MCC: variants seen among roughly 807,000 people sequenced by gnomAD.
MCC encodes MCC regulator of Wnt signaling pathway.
In MCC, 90 loss-of-function variants were observed where a neutral mutation model predicts 116.2. The observed-to-expected ratio is 0.77, with a 90% CI of 0.65 to 0.92. The LOEUF (loss-of-function observed/expected upper bound fraction) is 0.92, where lower values mean the gene tolerates loss of function less well. Ranked by LOEUF, MCC falls within the 40% of genes least tolerant of loss-of-function variation. MCC has a pLI of 0.00. For missense variants in MCC, 1,516 were observed against 1,312.2 expected, an observed-to-expected ratio of 1.16 and a Z score of -2.40; for synonymous variants, 578 against 510.5, an observed-to-expected ratio of 1.13 and a Z score of -1.78.
chr5:113,101,997 G>C lies in MCC; in HGVS notation c.1192-52C>G, dbSNP rs759727216. ...TCAAGTAAGTTACCTTGGAGAAAGG[G>C]GATAGGAAGAAAATAGGCTGAACAG... On this transcript the variant is annotated intron_variant, in intron 7 of 18. Coordinates refer to ENST00000408903, the MANE Select transcript of MCC (RefSeq NM_001085377.2). 1.8e-5 allele frequency: 29 copies of C among 1,569,596 alleles called. No individual in the cohort carries two copies. The South Asian group carries it at 2.9e-4, about 16-fold the overall frequency.
At chr5:113,290,752 T>C (rs1483778068) in intron 3 of MCC, among the ~76,000 whole-genome samples, 2 of 152,228 alleles carry the variant, frequency 1.3e-5, no homozygotes, top group Non-Finnish European at 2.9e-5. Context: ...TTAATGCTGC[T>C]TAAAGTGTGG....
intron 3 of MCC, among the ~76,000 whole-genome samples, chr5:113,210,243 G>T (rs1763076551): frequency 6.6e-6 from 1 of 151,892 alleles, no homozygotes; most frequent in East Asian, 1.9e-4. Context: ...GGAATTACAG[G>T]GCCTCTAAAT....
Position 113,088,895 on chromosome 5 carries a change from C to G in MCC, c.1399-3585G>C, listed in dbSNP as rs564210239. Among the ~76,000 whole-genome samples, 14 of 152,236 alleles carry G rather than the reference C, an allele frequency of 9.2e-5. No homozygotes were observed. In the East Asian group the frequency reaches 2.5e-3, roughly 27 times the overall value. The stretch of plus-strand genomic sequence containing the variant: ...ATCTCATGGGCTCAAGAGATTTTCC[C>G]GTTTTAGCCTCCCAAGTGGCTGGGA... On this transcript the variant is annotated intron_variant, in intron 8 of 18. Coordinates refer to ENST00000408903, the MANE Select transcript of MCC (RefSeq NM_001085377.2).
chr5:113,221,313 GA>G (rs1476168533), intron 3 of MCC, among the ~76,000 whole-genome samples: 1 of 152,206 alleles, frequency 6.6e-6, no homozygotes, highest in Non-Finnish European at 1.5e-5. Context: ...AAGGAGACCT[GA>G]ACTAACCAAC....
At chr5:113,311,892 G>A (rs995108110) in intron 3 of MCC, among the ~76,000 whole-genome samples, 1 of 152,118 alleles carries the variant, frequency 6.6e-6, no homozygotes, top group Non-Finnish European at 1.5e-5. Flanking sequence ...CAGATCACAA[G>A]GTCAGGAGTT....
chr5:113,305,754 T>C (rs569550637), intron 3 of MCC, among the ~76,000 whole-genome samples: 1 of 152,390 alleles, frequency 6.6e-6, no homozygotes, highest in African/African-American at 2.4e-5. Context: ...TTATATTTTA[T>C]GTTTTATTAA....
chr5:113,239,603 C>T (rs1203914190), intron 3 of MCC, among the ~76,000 whole-genome samples: 9 of 152,082 alleles, frequency 5.9e-5, no homozygotes, highest in Non-Finnish European at 1.0e-4. Context: ...GAAGGAACTC[C>T]GTAGTAATGT....
intron 3 of MCC, among the ~76,000 whole-genome samples, chr5:113,205,289 G>A (rs1325380959): frequency 1.3e-5 from 2 of 152,210 alleles, no homozygotes; most frequent in Non-Finnish European, 2.9e-5. Context: ...AAGGCCTAGA[G>A]GCAAGGAGCT....
chr5:113,419,148 G>C (rs570240040), intron 1 of MCC, among the ~76,000 whole-genome samples: 1 of 151,778 alleles, frequency 6.6e-6, no homozygotes, highest in East Asian at 1.9e-4. Flanking sequence ...GAAGGTGATA[G>C]GAATATTCTT....
intron 6 of MCC, among the ~76,000 whole-genome samples, chr5:113,110,038 C>T (rs1485587493): frequency 2.6e-5 from 4 of 151,962 alleles, no homozygotes; most frequent in East Asian, 1.9e-4. Context: ...AGGCTAGGAA[C>T]GAACTCCTGG....
intron 3 of MCC, among the ~76,000 whole-genome samples, chr5:113,168,266 T>C (rs1760880655): frequency 6.6e-6 from 1 of 152,208 alleles, no homozygotes; most frequent in Admixed American, 6.5e-5. Flanking sequence ...AAAGAATTCA[T>C]AACTTACATA....
intron 1 of MCC, among the ~76,000 whole-genome samples, chr5:113,461,437 G>A (rs1391266037): frequency 2.0e-5 from 3 of 152,122 alleles, no homozygotes; most frequent in Admixed American, 6.5e-5. Flanking sequence ...ATGGAGTGGA[G>A]AGGAGATTAG....
chr5:113,159,458 T>C (rs1249905900), intron 3 of MCC, among the ~76,000 whole-genome samples: 1 of 152,172 alleles, frequency 6.6e-6, no homozygotes, highest in Non-Finnish European at 1.5e-5. Context: ...AATTCCTTCA[T>C]TGTAGAGAAA....
At chr5:113,124,698 G>A (rs903491719) in intron 5 of MCC, among the ~76,000 whole-genome samples, 5 of 152,190 alleles carry the variant, frequency 3.3e-5, no homozygotes, top group African/African-American at 1.2e-4. Flanking sequence ...TCCCTACTGA[G>A]GTCAGAGCAC....
At chr5:113,229,394 A>T (rs981478459) in intron 3 of MCC, among the ~76,000 whole-genome samples, 2 of 152,248 alleles carry the variant, frequency 1.3e-5, no homozygotes, top group African/African-American at 4.8e-5. Flanking sequence ...CAGAAACTGC[A>T]ATCAGATGTT....
At chr5:113,254,702 T>C (rs958846690) in intron 3 of MCC, among the ~76,000 whole-genome samples, 1 of 152,238 alleles carries the variant, frequency 6.6e-6, no homozygotes, top group African/African-American at 2.4e-5. Flanking sequence ...ATTCCATCTT[T>C]ATGGTGCATT....
chr5:113,178,565 C>T (rs1165333776), intron 3 of MCC, among the ~76,000 whole-genome samples: 1 of 152,144 alleles, frequency 6.6e-6, no homozygotes, highest in Non-Finnish European at 1.5e-5. Context: ...TTCCTCCTCA[C>T]CCCCAAGTCT....
At position 113,049,051 on chromosome 5, in the gene MCC, G is replaced by C. The variant is rs751130481; in HGVS notation, c.2655+42C>G. The stretch of plus-strand genomic sequence containing the variant: ...GTGGTCACTGGGCAGTCACTGGGCA[G>C]TCACTGAGCCTAAGGGTGTCCCCAA... On this transcript the variant is annotated intron_variant, in intron 16 of 18. Transcript: ENST00000408903. 9 of 1,578,200 alleles carry C rather than the reference G, an allele frequency of 5.7e-6. No homozygotes were observed. In the South Asian group the frequency reaches 1.0e-4, roughly 18 times the overall value.
At chr5:113,121,106 A>G (rs1279259505) in intron 6 of MCC, among the ~76,000 whole-genome samples, 1 of 152,160 alleles carries the variant, frequency 6.6e-6, no homozygotes, top group Non-Finnish European at 1.5e-5. Flanking sequence ...CCTTCAGCAA[A>G]TCTTGCCAAT....
Sources: allele counts gnomAD v4.1 joint callset (sites outside exome capture counted in the v4.1 genomes callset), GRCh38; gene constraint gnomAD v4.1.1; transcripts MANE v1.5; gene names NCBI Gene and HGNC (gene_info 2026-07-23, HGNC 2026-07-21).